The following SGPP2 variants were observed in gnomAD, a reference collection of about 807,000 sequenced individuals.
SGPP2 encodes sphingosine 1-phosphate phosphohydrolase 2.
Under a neutral mutation model 33.9 loss-of-function variants are expected in SGPP2, and 30 were observed. The ratio of observed to expected loss-of-function variants is 0.89; its 90% CI spans 0.66 to 1.20. The LOEUF (loss-of-function observed/expected upper bound fraction) is 1.20, where lower values mean the gene tolerates loss of function less well. SGPP2 is among the 50% of genes most tolerant of loss of function. The pLI is 0.00. For missense variants in SGPP2, 458 were observed against 532.1 expected (o/e 0.86, Z 1.37); for synonymous variants, 233 against 225.0 (o/e 1.04, Z -0.32).
In SGPP2 at chr2:222,562,326, GAT is replaced by G. The variant is rs1424512996; in HGVS notation, c.*3431_*3432del. The stretch of plus-strand genomic sequence containing the variant: ...TTTGCTCAAACCTGCACCGTCACAA[GAT>G]ATTCAGAAGATGAAAACGTAGAAGA... On this transcript the variant is annotated 3_prime_UTR_variant, in exon 5 of 5. Coordinates refer to ENST00000321276, the MANE Select transcript of SGPP2 (RefSeq NM_152386.4). 6.6e-6 allele frequency among the ~76,000 whole-genome samples: 1 copy of G among 152,128 alleles called. No homozygotes were observed. Among genetic ancestry groups the G allele is most frequent in the African/African-American group, 2.4e-5 (1 of 41,434 alleles).
chr2:222,449,671 A>G (rs1014937617), intron 1 of SGPP2, among the ~76,000 whole-genome samples: 4 of 152,162 alleles, frequency 2.6e-5, no homozygotes, highest in African/African-American at 9.7e-5. Context: ...GGGTTTCACC[A>G]TGTTAGCCAA....
chr2:222,554,134 G>C (rs149445058), intron 4 of SGPP2, among the ~76,000 whole-genome samples: 1 of 152,310 alleles, frequency 6.6e-6, no homozygotes, highest in African/African-American at 2.4e-5. Context: ...AAATTCAAAA[G>C]GTACACAGGG....
chr2:222,489,854 A>T (rs952694236), intron 2 of SGPP2, among the ~76,000 whole-genome samples: 1 of 152,066 alleles, frequency 6.6e-6, no homozygotes, highest in Non-Finnish European at 1.5e-5. Context: ...AATCCCAGCT[A>T]CTCGGGAGGC....
chr2:222,519,954 T>C (rs900968662), intron 2 of SGPP2, among the ~76,000 whole-genome samples: 2 of 152,246 alleles, frequency 1.3e-5, no homozygotes, highest in Non-Finnish European at 2.9e-5. Flanking sequence ...TTTGCTATTG[T>C]GAATACTGCT....
chr2:222,493,770 G>T (rs572394495), intron 2 of SGPP2, among the ~76,000 whole-genome samples: 3 of 152,086 alleles, frequency 2.0e-5, no homozygotes, highest in Admixed American at 2.0e-4. Flanking sequence ...TTACTTCATC[G>T]TACTGTTAGG....
chr2:222,451,976 T>G (rs575539906), intron 1 of SGPP2, among the ~76,000 whole-genome samples: 55 of 152,332 alleles, frequency 3.6e-4, no homozygotes, highest in Non-Finnish European at 6.2e-4. Flanking sequence ...TAAGTACAGT[T>G]GACTCTTGAG....
At chr2:222,529,287 T>C (rs1422695460) in intron 4 of SGPP2, among the ~76,000 whole-genome samples, 1 of 152,152 alleles carries the variant, frequency 6.6e-6, no homozygotes, top group Non-Finnish European at 1.5e-5. Context: ...AGCAATTCAG[T>C]CACATCTTCA....
chr2:222,551,880 T>C (rs993034187), intron 4 of SGPP2, among the ~76,000 whole-genome samples: 2 of 152,196 alleles, frequency 1.3e-5, no homozygotes, highest in African/African-American at 4.8e-5. Context: ...TTATAGATAA[T>C]TGGGATAAGG....
rs187300830 is a variant in SGPP2, at chr2:222,444,467, C to T, written c.219+19646C>T. Among the ~76,000 whole-genome samples, 11 of 152,296 alleles carry T rather than the reference C, an allele frequency of 7.2e-5. No individual in the cohort carries two copies. In the East Asian group the frequency reaches 1.9e-3, roughly 27 times the overall value. On this transcript the variant is annotated intron_variant, in intron 1 of 4. Coordinates refer to ENST00000321276, the MANE Select transcript of SGPP2 (RefSeq NM_152386.4). ...ATTCTGAAATAACACTACTAATATT[C>T]AGCCAGTGTCTATCAAGTGGATACA...
At chr2:222,526,622 A>G (rs142236014) in intron 4 of SGPP2, among the ~76,000 whole-genome samples, 3 of 152,348 alleles carry the variant, frequency 2.0e-5, no homozygotes, top group Admixed American at 2.0e-4. Flanking sequence ...ATAAAATATG[A>G]TCTTGGTAAT....
upstream of SGPP2, chr2:222,424,496 C>T (rs1469022203): frequency 2.5e-6 from 2 of 795,162 alleles, no homozygotes; most frequent in African/African-American, 1.8e-5. Context: ...CCCGCCCGGC[C>T]TCCGCCCGGA....
At chr2:222,509,003 T>C (rs544382652) in intron 2 of SGPP2, among the ~76,000 whole-genome samples, 4 of 152,230 alleles carry the variant, frequency 2.6e-5, no homozygotes, top group Admixed American at 2.6e-4. Context: ...CAGTTGGAAA[T>C]AGCTTTTCAC....
At chr2:222,508,604 C>T (rs1015809727) in intron 2 of SGPP2, among the ~76,000 whole-genome samples, 2 of 152,194 alleles carry the variant, frequency 1.3e-5, no homozygotes, top group African/African-American at 4.8e-5. Context: ...TAGGCATATA[C>T]ATACATCTGT....
At chr2:222,534,738 T>C (rs546085696) in intron 4 of SGPP2, among the ~76,000 whole-genome samples, 8 of 152,370 alleles carry the variant, frequency 5.3e-5, no homozygotes, top group Admixed American at 5.2e-4. Flanking sequence ...AATTTAGTTA[T>C]GTTTCTGAGC....
chr2:222,453,157 T>C (rs1447189184), intron 1 of SGPP2: 12 of 788,892 alleles, frequency 1.5e-5, no homozygotes, highest in Non-Finnish European at 2.8e-5. Flanking sequence ...ACAGTCGCAG[T>C]GTGAGGCATC....
chr2:222,542,793 T>C (rs1356338373), intron 4 of SGPP2, among the ~76,000 whole-genome samples: 1 of 152,078 alleles, frequency 6.6e-6, no homozygotes, highest in Non-Finnish European at 1.5e-5. Flanking sequence ...GATACATGTA[T>C]TCCAAACTTC....
intron 1 of SGPP2, among the ~76,000 whole-genome samples, chr2:222,441,153 C>G (rs1351750419): frequency 1.3e-5 from 2 of 152,178 alleles, no homozygotes; most frequent in East Asian, 3.8e-4. Context: ...AAACTGTATT[C>G]TCAATGGTGA....
chr2:222,544,387 T>C (rs898731714), intron 4 of SGPP2, among the ~76,000 whole-genome samples: 1 of 152,212 alleles, frequency 6.6e-6, no homozygotes, highest in Non-Finnish European at 1.5e-5. Context: ...AGTGGAATAT[T>C]ATACAGGCCT....
chr2:222,446,763 C>A (rs1189298791), intron 1 of SGPP2, among the ~76,000 whole-genome samples: 2 of 152,116 alleles, frequency 1.3e-5, no homozygotes, highest in African/African-American at 4.8e-5. Context: ...AACAGATTGA[C>A]AGGAATCAAA....
Sources: gnomAD v4.1 joint callset for allele counts (sites outside exome capture counted in the v4.1 genomes callset) on GRCh38, gnomAD v4.1.1 for gene constraint, MANE v1.5 for transcripts, NCBI Gene and HGNC (gene_info 2026-07-23, HGNC 2026-07-21) for gene names.